Variants in CTNNA2 observed in about 807,000 individuals in gnomAD.
CTNNA2 encodes the protein catenin alpha-2.
A neutral mutation model predicts 101.0 loss-of-function variants in CTNNA2; 42 were observed. The ratio of observed to expected loss-of-function variants is 0.42; its 90% CI spans 0.32 to 0.54. The LOEUF is 0.54. Ranked by LOEUF, CTNNA2 falls within the 20% of genes least tolerant of loss-of-function variation. The pLI, the probability that CTNNA2 is intolerant of heterozygous loss-of-function variation, is 0.14. For missense variants in CTNNA2, 871 were observed against 1,223.1 expected, an observed-to-expected ratio of 0.71 and a Z score of 4.29; for synonymous variants, 450 against 456.4, an observed-to-expected ratio of 0.99 and a Z score of 0.18.
intron 7 of CTNNA2, among the ~76,000 whole-genome samples, chr2:80,362,412 T>C (rs1025373283): frequency 9.9e-5 from 15 of 152,176 alleles, no homozygotes; most frequent in African/African-American, 2.9e-4. Context: ...TTTTTTGATT[T>C]GTGCTTACCC....
intron 7 of CTNNA2, among the ~76,000 whole-genome samples, chr2:80,357,202 A>G (rs17019071): frequency 0.4 from 59,879 of 150,938 alleles, 14,547 homozygotes; most frequent in African/African-American, 0.69. Flanking sequence ...CCTTTTAGTT[A>G]CCTTGCCAGG....
chr2:79,997,118 G>T (rs929589701), intron 7 of CTNNA2, among the ~76,000 whole-genome samples: 1 of 152,046 alleles, frequency 6.6e-6, no homozygotes, highest in African/African-American at 2.4e-5. Context: ...TAAGTCTCTT[G>T]AAAGGCACCA....
At chr2:79,728,254 T>C (rs1319995050) in intron 2 of CTNNA2, among the ~76,000 whole-genome samples, 6 of 152,160 alleles carry the variant, frequency 3.9e-5, no homozygotes, top group Non-Finnish European at 7.4e-5. Flanking sequence ...TTCCTGACTT[T>C]TTAATGATCG....
chr2:79,895,505 G>A (rs761342824), intron 6 of CTNNA2, among the ~76,000 whole-genome samples: 1 of 152,004 alleles, frequency 6.6e-6, no homozygotes, highest in Non-Finnish European at 1.5e-5. Context: ...TTGCTTCTGA[G>A]AAATATGAAT....
At chr2:80,483,353 A>T (rs1686294762) in intron 9 of CTNNA2, among the ~76,000 whole-genome samples, 1 of 144,744 alleles carries the variant, frequency 6.9e-6, no homozygotes, top group Non-Finnish European at 1.5e-5. Flanking sequence ...GTCCATCTAG[A>T]GTCATGTTGT....
At chr2:80,020,913 A>T (rs1397370417) in intron 7 of CTNNA2, among the ~76,000 whole-genome samples, 2 of 150,164 alleles carry the variant, frequency 1.3e-5, no homozygotes, top group African/African-American at 2.4e-5. Context: ...CCAAAGTGAG[A>T]TGACCTCCTC....
chr2:80,374,542 T>C (rs939118442), intron 7 of CTNNA2, among the ~76,000 whole-genome samples: 13 of 152,082 alleles, frequency 8.5e-5, no homozygotes, highest in African/African-American at 3.1e-4. Flanking sequence ...AGAAATTTGT[T>C]TTCTCACAGT....
intron 2 of CTNNA2, among the ~76,000 whole-genome samples, chr2:79,267,988 C>T (rs73938157): frequency 1.5e-3 from 232 of 152,234 alleles, no homozygotes; most frequent in African/African-American, 5.3e-3. Context: ...ATTATCAAAG[C>T]ACTCACTGAC....
chr2:79,708,535 G>A (rs549384254), intron 2 of CTNNA2, among the ~76,000 whole-genome samples: 17 of 151,996 alleles, frequency 1.1e-4, no homozygotes, highest in African/African-American at 3.6e-4. Flanking sequence ...CATTCAAAAT[G>A]GTTCAAAAAT....
chr2:79,187,589 T>A (rs915377291), intron 1 of CTNNA2, among the ~76,000 whole-genome samples: 18 of 152,178 alleles, frequency 1.2e-4, no homozygotes, highest in Non-Finnish European at 5.9e-5. Context: ...TCCTTTTGAG[T>A]CATATGTATT....
intron 5 of CTNNA2, among the ~76,000 whole-genome samples, chr2:79,507,528 T>G (rs905022432): frequency 6.6e-6 from 1 of 152,156 alleles, no homozygotes; most frequent in Admixed American, 6.6e-5. Context: ...TCTGTGACCC[T>G]TCGATCTTGG....
chr2:79,875,916 A>G (rs735906), intron 6 of CTNNA2, among the ~76,000 whole-genome samples: 35,227 of 152,106 alleles, frequency 0.23, 4,661 homozygotes, highest in Non-Finnish European at 0.31. Flanking sequence ...CTAGATTTTC[A>G]TCATGTAAAA....
At chr2:79,419,087 C>T (rs1203284927) in intron 4 of CTNNA2, among the ~76,000 whole-genome samples, 1 of 152,050 alleles carries the variant, frequency 6.6e-6, no homozygotes, top group Non-Finnish European at 1.5e-5. Flanking sequence ...AGCATCATGC[C>T]ATTATAGAAA....
intron 3 of CTNNA2, among the ~76,000 whole-genome samples, chr2:79,822,145 C>CT (rs1678061406): frequency 6.6e-6 from 1 of 151,072 alleles, no homozygotes; most frequent in Non-Finnish European, 1.5e-5. Context: ...AATGAGAATT[C>CT]TTTTGTCAGT....
chr2:80,449,317 A>T (rs2149453484), intron 9 of CTNNA2, among the ~76,000 whole-genome samples: 1 of 133,820 alleles, frequency 7.5e-6, no homozygotes, highest in Non-Finnish European at 1.6e-5. Context: ...ATAAATAAAT[A>T]AATAAATACA....
chr2:80,082,414 A>G (rs1699206861), intron 7 of CTNNA2, among the ~76,000 whole-genome samples: 1 of 152,168 alleles, frequency 6.6e-6, no homozygotes, highest in East Asian at 1.9e-4. Context: ...AATACATGAA[A>G]CAGTACATTT....
At position 79,953,338 on chromosome 2, in the gene CTNNA2, T is replaced by C. The variant is rs573664126; in HGVS notation, c.1056+43541T>C. On this transcript the variant is annotated intron_variant, in intron 7 of 18. Coordinates refer to ENST00000402739, the MANE Select transcript of CTNNA2 (RefSeq NM_001282597.3). Reference sequence around the variant, plus strand: ...AAAACCTGAAATAAATACCGGTCTTTGCACAGTTCCAGACGAGGGAGGCAC... The same window carrying C: ...AAAACCTGAAATAAATACCGGTCTTCGCACAGTTCCAGACGAGGGAGGCAC... Among the ~76,000 whole-genome samples the C allele has an allele frequency of 2.0e-5, 3 of 152,336 alleles. No individual in the cohort carries two copies. In the East Asian group the frequency reaches 5.8e-4, roughly 29 times the overall value.
chr2:79,746,234 A>G (rs1671636048), intron 3 of CTNNA2, among the ~76,000 whole-genome samples: 1 of 152,010 alleles, frequency 6.6e-6, no homozygotes, highest in South Asian at 2.1e-4. Flanking sequence ...TCTTTTGCCC[A>G]TTTCTGAATC....
In CTNNA2 at chr2:79,784,281, T is replaced by G. The variant is rs187406033; in HGVS notation, c.298+39699T>G. ...CCTGCATATTCAAATGCCTCTAAGT[T>G]AAGCTTGATGTATTCCCCAACTCTA... On this transcript the variant is annotated intron_variant, in intron 3 of 18. Transcript: ENST00000402739. Among the ~76,000 whole-genome samples, 876 of 152,130 alleles carry G rather than the reference T, an allele frequency of 5.8e-3. 6 individuals carry two copies. The highest frequency in any genetic ancestry group is 0.025 in the South Asian group (119 of 4,816).
Sources: gnomAD v4.1 joint callset for allele counts (sites outside exome capture counted in the v4.1 genomes callset) on GRCh38, gnomAD v4.1.1 for gene constraint, MANE v1.5 for transcripts, NCBI Gene and HGNC (gene_info 2026-07-23, HGNC 2026-07-21) for gene names.